The following NKAIN3 variants were observed in gnomAD, a reference collection of about 807,000 sequenced individuals.
The protein encoded by NKAIN3 is sodium/potassium-transporting ATPase subunit beta-1-interacting protein 3.
NKAIN3 carries 25 observed loss-of-function variants against 30.2 expected under a neutral mutation model. The ratio of observed to expected loss-of-function variants is 0.83; its 90% CI spans 0.60 to 1.16. NKAIN3 has a LOEUF of 1.16. Ranked by LOEUF, NKAIN3 falls within the 50% of genes most tolerant of loss-of-function variation. NKAIN3 has a pLI of 0.00. For missense variants in NKAIN3, 225 were observed against 254.1 expected (o/e 0.89, Z 0.78); for synonymous variants, 91 against 89.6 (o/e 1.02, Z -0.09).
chr8:62,605,627 A>G (rs1811101871), intron 3 of NKAIN3, among the ~76,000 whole-genome samples: 1 of 152,070 alleles, frequency 6.6e-6, no homozygotes, highest in Non-Finnish European at 1.5e-5. Context: ...ACAATACAGA[A>G]ATAAAAAATA....
intron 4 of NKAIN3, among the ~76,000 whole-genome samples, chr8:62,806,277 C>A (rs1245596916): frequency 6.6e-6 from 1 of 152,128 alleles, no homozygotes; most frequent in Non-Finnish European, 1.5e-5. Flanking sequence ...CTAGAAATAC[C>A]ATTTGACCCA....
At chr8:62,903,249 C>A (rs1234094662) in intron 4 of NKAIN3, among the ~76,000 whole-genome samples, 1 of 152,108 alleles carries the variant, frequency 6.6e-6, no homozygotes, top group Admixed American at 6.6e-5. Context: ...GAAGAGTGAA[C>A]CAAATTTCTT....
chr8:62,890,375 A>T (rs951065127), intron 4 of NKAIN3, among the ~76,000 whole-genome samples: 5 of 152,342 alleles, frequency 3.3e-5, no homozygotes, highest in African/African-American at 1.2e-4. Flanking sequence ...CAATGAAAGG[A>T]TATGTCATAC....
At chr8:62,358,238 C>CA (rs1450008762) in intron 1 of NKAIN3, among the ~76,000 whole-genome samples, 2 of 73,590 alleles carry the variant, frequency 2.7e-5, no homozygotes, top group African/African-American at 5.4e-5. Context: ...TGATCTTATA[C>CA]CTTTTTTTTT....
At chr8:62,603,289 AAACACGTTTTGTGACATTTATTT>A (rs1426066711) in intron 3 of NKAIN3, among the ~76,000 whole-genome samples, 1 of 152,142 alleles carries the variant, frequency 6.6e-6, no homozygotes, top group Admixed American at 6.6e-5. Flanking sequence ...AGACCCTGAT[AAACACGTTTTGTGACATTTATTT>A]AGTTTTTAAA....
At chr8:62,822,323 A>G (rs368976858) in intron 4 of NKAIN3, among the ~76,000 whole-genome samples, 12 of 152,312 alleles carry the variant, frequency 7.9e-5, no homozygotes, top group African/African-American at 2.9e-4. Flanking sequence ...AAAAATTGAA[A>G]GCAGTTGAAA....
At chr8:62,708,798 C>G (rs1323675489) in intron 3 of NKAIN3, among the ~76,000 whole-genome samples, 1 of 152,128 alleles carries the variant, frequency 6.6e-6, no homozygotes, top group Non-Finnish European at 1.5e-5. Flanking sequence ...TTGTCTTGTT[C>G]CAGTTCCCAG....
At chr8:62,287,444 G>A (rs886543675) in intron 1 of NKAIN3, among the ~76,000 whole-genome samples, 1 of 151,966 alleles carries the variant, frequency 6.6e-6, no homozygotes, top group Non-Finnish European at 1.5e-5. Context: ...TTGTAGTTTT[G>A]TAGTCTATTA....
chr8:62,545,550 C>T (rs1808977379), intron 1 of NKAIN3, among the ~76,000 whole-genome samples: 1 of 152,126 alleles, frequency 6.6e-6, no homozygotes, highest in Non-Finnish European at 1.5e-5. Flanking sequence ...GCCTGAGCAA[C>T]AGAGCAAGAC....
At chr8:62,359,974 T>A (rs1816495096) in intron 1 of NKAIN3, among the ~76,000 whole-genome samples, 1 of 152,210 alleles carries the variant, frequency 6.6e-6, no homozygotes, top group Non-Finnish European at 1.5e-5. Context: ...CTCATCAGCG[T>A]CCAGCAACCT....
intron 1 of NKAIN3, among the ~76,000 whole-genome samples, chr8:62,567,440 T>A (rs1471893424): frequency 6.6e-6 from 1 of 152,140 alleles, no homozygotes; most frequent in African/African-American, 2.4e-5. Context: ...ATCACTGGAA[T>A]GTGTTGAAAT....
intron 1 of NKAIN3, among the ~76,000 whole-genome samples, chr8:62,250,078 T>A (rs1178957399): frequency 1.3e-5 from 2 of 152,200 alleles, no homozygotes; most frequent in Non-Finnish European, 2.9e-5. Context: ...CATTGTATTT[T>A]TTTTCGAGTC....
chr8:62,327,185 T>C (rs1417517838), intron 1 of NKAIN3, among the ~76,000 whole-genome samples: 2 of 151,984 alleles, frequency 1.3e-5, no homozygotes, highest in East Asian at 1.9e-4. Context: ...TGCTGTTGAG[T>C]TTAGGAGTTC....
At chr8:62,813,278 A>G (rs1214353566) in intron 4 of NKAIN3, among the ~76,000 whole-genome samples, 1 of 151,968 alleles carries the variant, frequency 6.6e-6, no homozygotes, top group Non-Finnish European at 1.5e-5. Context: ...CTCTGTTAAT[A>G]TAACGCCTGC....
Position 62,877,696 on chromosome 8 carries a change from A to C in NKAIN3, c.472-40757A>C, listed in dbSNP as rs375301869. 1.9e-3 allele frequency among the ~76,000 whole-genome samples: 291 copies of C among 152,298 alleles called. 6 individuals carry two copies. In the South Asian group the frequency reaches 0.051, roughly 27 times the overall value. On this transcript the variant is annotated intron_variant, in intron 4 of 6. Coordinates refer to ENST00000623646, the MANE Select transcript of NKAIN3 (RefSeq NM_001304533.3). ...GTTTCCTTCATTTTCCTAATGGATAAATGGACGGCTTATTTTCATATGAAT... is the reference window on the plus strand; with the variant it reads ...GTTTCCTTCATTTTCCTAATGGATACATGGACGGCTTATTTTCATATGAAT...
At chr8:62,760,639 G>A (rs962981642) in intron 4 of NKAIN3, among the ~76,000 whole-genome samples, 1 of 142,832 alleles carries the variant, frequency 7.0e-6, no homozygotes, top group Non-Finnish European at 1.5e-5. Flanking sequence ...TGTGGGGGGA[G>A]GGGGGAGGGA....
intron 4 of NKAIN3, among the ~76,000 whole-genome samples, chr8:62,907,548 G>GA (rs1821816284): frequency 6.6e-6 from 1 of 152,126 alleles, no homozygotes; most frequent in Admixed American, 6.5e-5. Flanking sequence ...GGCCTAGGAG[G>GA]AAAAAATGGT....
At chr8:62,788,690 C>A (rs1483053319) in intron 4 of NKAIN3, among the ~76,000 whole-genome samples, 1 of 151,876 alleles carries the variant, frequency 6.6e-6, no homozygotes, top group East Asian at 1.9e-4. Context: ...AGTCTTTAAT[C>A]CATCTTGAAT....
chr8:62,284,955 A>G (rs1813329684), intron 1 of NKAIN3, among the ~76,000 whole-genome samples: 1 of 152,134 alleles, frequency 6.6e-6, no homozygotes, highest in Admixed American at 6.6e-5. Flanking sequence ...TAGTTTTTAG[A>G]TTCTCTTTAG....
Sources: allele counts gnomAD v4.1 joint callset (sites outside exome capture counted in the v4.1 genomes callset), GRCh38; gene constraint gnomAD v4.1.1; transcripts MANE v1.5; gene names NCBI Gene and HGNC (gene_info 2026-07-23, HGNC 2026-07-21).